PTPRZ1: variants seen among roughly 807,000 people sequenced by gnomAD.
PTPRZ1 encodes protein tyrosine phosphatase receptor type Z1, also known as receptor-type tyrosine-protein phosphatase zeta.
In PTPRZ1, 82 loss-of-function variants were observed where a neutral mutation model predicts 214.1. The ratio of observed to expected loss-of-function variants is 0.38; its 90% CI spans 0.32 to 0.46. The LOEUF is 0.46. PTPRZ1 is among the 20% of genes least tolerant of loss of function. The pLI is 1.00. For missense variants in PTPRZ1, 2,603 were observed against 2,748.7 expected, an observed-to-expected ratio of 0.95 and a Z score of 1.19; for synonymous variants, 945 against 987.9, an observed-to-expected ratio of 0.96 and a Z score of 0.81.
At position 122,013,460 on chromosome 7, in the gene PTPRZ1, C is replaced by T; in HGVS notation, c.4414C>T (p.Pro1472Ser). ...AAACAGTCTTATGGATCAGAATAAT[C>T]CAATCTCATACTCACTATCTGAGAA... ...HENSLMDQNN[P>S]ISYSLSENSE... The change falls in exon 12 of 30, where the codon CCA (proline) becomes TCA (serine). Residue 1472 changes from proline to serine, a missense_variant. Physicochemically the swap from Pro to Ser is moderately conservative, Grantham distance 74. Coordinates refer to ENST00000393386, the MANE Select transcript of PTPRZ1 (RefSeq NM_002851.3). The T allele has an allele frequency of 6.2e-7, 1 of 1,614,132 alleles. No individual in the cohort carries two copies. Among genetic ancestry groups the T allele is most frequent in the South Asian group, 1.1e-5 (1 of 91,078 alleles).
At chr7:121,928,714 A>G (rs533389407) in intron 2 of PTPRZ1, among the ~76,000 whole-genome samples, 1 of 152,328 alleles carries the variant, frequency 6.6e-6, no homozygotes, top group South Asian at 2.1e-4. Flanking sequence ...CTTCTGAATT[A>G]CTGTTGTTAA....
intron 1 of PTPRZ1, among the ~76,000 whole-genome samples, chr7:121,916,200 G>T (rs1348947625): frequency 6.6e-6 from 1 of 151,312 alleles, no homozygotes; most frequent in Non-Finnish European, 1.5e-5. Context: ...CTTGAACCTG[G>T]GAGCCGGAGG....
intron 1 of PTPRZ1, among the ~76,000 whole-genome samples, chr7:121,884,276 A>G (rs528931530): frequency 3.9e-5 from 6 of 152,122 alleles, no homozygotes; most frequent in Non-Finnish European, 7.4e-5. Context: ...TAAGTATGTT[A>G]TATGGAAACA....
intron 1 of PTPRZ1, among the ~76,000 whole-genome samples, chr7:121,891,907 C>G (rs1370750029): frequency 6.6e-6 from 1 of 152,036 alleles, no homozygotes; most frequent in Non-Finnish European, 1.5e-5. Context: ...AATGCATTAC[C>G]ACCCACCACC....
chr7:121,943,370 C>T (rs1796283128), intron 2 of PTPRZ1, among the ~76,000 whole-genome samples: 1 of 152,134 alleles, frequency 6.6e-6, no homozygotes, highest in Admixed American at 6.5e-5. Flanking sequence ...GATGGAGTCT[C>T]TATCGCCCAG....
chr7:122,046,492 G>C (rs1278478564), intron 23 of PTPRZ1, among the ~76,000 whole-genome samples: 1 of 152,136 alleles, frequency 6.6e-6, no homozygotes, highest in African/African-American at 2.4e-5. Context: ...GATGCTGTAG[G>C]AGTACAGGTA....
intron 1 of PTPRZ1, among the ~76,000 whole-genome samples, chr7:121,901,965 A>C (rs1434122396): frequency 6.6e-6 from 1 of 152,098 alleles, no homozygotes; most frequent in Non-Finnish European, 1.5e-5. Flanking sequence ...GTCCTATCTG[A>C]CTGTAACTTT....
chr7:122,032,666 T>C (rs1380804988), intron 15 of PTPRZ1, among the ~76,000 whole-genome samples: 27 of 152,148 alleles, frequency 1.8e-4, no homozygotes, highest in Admixed American at 1.8e-3. Context: ...TCATTATTTA[T>C]TTAGGGAGGC....
At chr7:121,951,817 C>T (rs1353522865) in intron 2 of PTPRZ1, among the ~76,000 whole-genome samples, 1 of 152,166 alleles carries the variant, frequency 6.6e-6, no homozygotes, top group African/African-American at 2.4e-5. Context: ...TCCAGTTAAA[C>T]AAAGGCAAGG....
intron 11 of PTPRZ1, among the ~76,000 whole-genome samples, chr7:122,005,968 C>T (rs1798472705): frequency 6.6e-6 from 1 of 151,952 alleles, no homozygotes; most frequent in African/African-American, 2.4e-5. Flanking sequence ...TCTCTATTGC[C>T]ATTAACCCTA....
chr7:121,896,343 C>T (rs1451982495), intron 1 of PTPRZ1, among the ~76,000 whole-genome samples: 1 of 152,072 alleles, frequency 6.6e-6, no homozygotes, highest in Non-Finnish European at 1.5e-5. Flanking sequence ...TTTCCCTCTC[C>T]ACCAGCCTTG....
At chr7:121,944,480 T>A (rs1195707439) in intron 2 of PTPRZ1, among the ~76,000 whole-genome samples, 5 of 152,196 alleles carry the variant, frequency 3.3e-5, no homozygotes, top group Admixed American at 6.5e-5. Flanking sequence ...CCAAAATTTT[T>A]AAAATAGGAT....
intron 2 of PTPRZ1, among the ~76,000 whole-genome samples, chr7:121,956,118 C>T (rs935598381): frequency 1.3e-5 from 2 of 152,098 alleles, no homozygotes; most frequent in East Asian, 1.9e-4. Context: ...TACTCACACT[C>T]GTCCTACTGA....
chr7:122,006,491 C>T (rs1049011880), intron 11 of PTPRZ1, among the ~76,000 whole-genome samples: 2 of 152,028 alleles, frequency 1.3e-5, no homozygotes, highest in African/African-American at 4.8e-5. Flanking sequence ...TGAGAACATG[C>T]AGTATTTATC....
At chr7:121,998,638 A>T (rs1408077914) in intron 10 of PTPRZ1, among the ~76,000 whole-genome samples, 2 of 152,154 alleles carry the variant, frequency 1.3e-5, no homozygotes, top group African/African-American at 2.4e-5. Flanking sequence ...AGCATATGCA[A>T]TAACTGAATC....
At chr7:121,972,172 T>C (rs908397748) in intron 3 of PTPRZ1, among the ~76,000 whole-genome samples, 2 of 151,748 alleles carry the variant, frequency 1.3e-5, no homozygotes, top group Non-Finnish European at 2.9e-5. Context: ...TTTTTTTTTT[T>C]CTTTTAACCC....
chr7:121,882,046 T>C (rs1266202670), intron 1 of PTPRZ1, among the ~76,000 whole-genome samples: 1 of 152,258 alleles, frequency 6.6e-6, no homozygotes, highest in African/African-American at 2.4e-5. Flanking sequence ...ATAGGCTATT[T>C]CTTTTTACTG....
At chr7:121,976,390 G>A (rs1002773861) in intron 5 of PTPRZ1, 122 bp downstream of exon 5, 17 of 613,754 alleles carry the variant, frequency 2.8e-5, no homozygotes, top group African/African-American at 2.6e-4. Flanking sequence ...TAAAACTGGT[G>A]GTCATTTTCA....
intron 2 of PTPRZ1, among the ~76,000 whole-genome samples, chr7:121,935,266 A>T (rs1796042614): frequency 1.3e-5 from 2 of 151,502 alleles, no homozygotes; most frequent in Admixed American, 6.6e-5. Context: ...CTCCCCTATT[A>T]AAAAAAAAGT....
Sources: allele counts gnomAD v4.1 joint callset (sites outside exome capture counted in the v4.1 genomes callset), GRCh38; gene constraint gnomAD v4.1.1; transcripts MANE v1.5; gene names NCBI Gene and HGNC (gene_info 2026-07-23, HGNC 2026-07-21).